RHD: variants seen among roughly 807,000 people sequenced by gnomAD.
The protein encoded by RHD is blood group Rh(D) polypeptide.
A neutral mutation model predicts 45.5 loss-of-function variants in RHD; 16 were observed. That is an observed-to-expected ratio of 0.35 (90% CI 0.24 to 0.53). The LOEUF is 0.53. RHD is among the 20% of genes least tolerant of loss of function. RHD has a pLI of 0.92. For synonymous variants in RHD, 131 were observed against 217.5 expected (o/e 0.60, Z 3.50); for missense variants, 306 against 532.0 (o/e 0.58, Z 4.18).
Position 25,312,950 on chromosome 1 carries a change from A to AAAAAAC in RHD, c.1074-4049_1074-4044dup, listed in dbSNP as rs1644241440. Among the ~76,000 whole-genome samples the AAAAAAC allele has an allele frequency of 2.7e-5, 3 of 111,966 alleles. 1 individual carries two copies. The highest frequency in any genetic ancestry group is 8.7e-5 in the African/African-American group (3 of 34,472). The allele number at this position is 111,966 out of a possible 152,430, so 73.5% of individuals were successfully genotyped here. ...AAAAAAAAAAAAAAAAAAAAAAAAA[A>AAAAAAC]AAAAACTTTAGTGCTATTGGAATGA... On this transcript the variant is annotated intron_variant, in intron 7 of 9. Transcript: ENST00000328664.
chr1:25,285,273 T>G (rs1212073157), intron 2 of RHD, among the ~76,000 whole-genome samples: 1 of 133,794 alleles, frequency 7.5e-6, no homozygotes, highest in Non-Finnish European at 1.8e-5. Context: ...TAGCTGGGAT[T>G]ACAGGCATGT....
chr1:25,313,023 C>T (rs1361475645), intron 7 of RHD, among the ~76,000 whole-genome samples: 2 of 111,706 alleles, frequency 1.8e-5, no homozygotes, highest in Non-Finnish European at 4.0e-5. Flanking sequence ...GGGCAGGATG[C>T]TGTGGTTTGA....
chr1:25,307,853 C>T (rs1164390469), intron 7 of RHD: 2 of 1,291,776 alleles, frequency 1.5e-6, no homozygotes, highest in Admixed American at 2.1e-5. Flanking sequence ...AGGGGATGAG[C>T]TGTGTGAAGC....
rs768029497 is a variant in RHD, at chr1:25,306,760, TA to T, written c.1073+33del. The T allele has an allele frequency of 1.1e-5, 15 of 1,371,200 alleles. 5 individuals carry two copies. The highest frequency in any genetic ancestry group is 3.6e-5 in the Admixed American group (2 of 56,024). 84.9% of individuals were successfully genotyped at this position (1,371,200 alleles called of 1,614,324 possible). ...TCACTGGGCTTACCCCCCATCCCCTTAACACTCCCCTCCAACTCAGGAAGAA... is the reference window on the plus strand; with the variant it reads ...TCACTGGGCTTACCCCCCATCCCCTTACACTCCCCTCCAACTCAGGAAGAA... On this transcript the variant is annotated intron_variant, in intron 7 of 9. Transcript: ENST00000328664.
rs1262204878 is a variant in RHD at position 25,311,347 on chromosome 1, C to T, written c.1073+4618C>T. Among the ~76,000 whole-genome samples, 13 of 130,694 alleles carry T rather than the reference C, an allele frequency of 9.9e-5. 3 individuals carry two copies. Among genetic ancestry groups the T allele is most frequent in the Non-Finnish European group, 1.6e-4 (9 of 55,234 alleles). The allele number at this position is 130,694 out of a possible 152,430, so 85.7% of individuals were successfully genotyped here. On this transcript the variant is annotated intron_variant, in intron 7 of 9. Coordinates refer to ENST00000328664, the MANE Select transcript of RHD (RefSeq NM_016124.6). ...AACACTGAGAGTGTGACACAACTAC[C>T]GACTGATAAGAAAACTAGTACACAT...
chr1:25,306,612 T>C lies in RHD; in HGVS notation c.956T>C (p.Val319Ala). 2 of 1,378,074 alleles carry C rather than the reference T, an allele frequency of 1.5e-6. 1 individual carries two copies. Among genetic ancestry groups the C allele is most frequent in the Non-Finnish European group, 2.0e-6 (2 of 978,652 alleles). 85.4% of individuals were successfully genotyped at this position (1,378,074 alleles called of 1,614,324 possible). ...AKYLPGCCNR[V>A]LGIPHSSIMG... is the part of the protein sequence containing the mutation. Reference sequence around the variant, plus strand: ...TGTCCACAGGGGTGTTGTAACCGAGTGCTGGGGATTCCCCACAGCTCCATC... The same window carrying C: ...TGTCCACAGGGGTGTTGTAACCGAGCGCTGGGGATTCCCCACAGCTCCATC... The change falls in exon 7 of 10, where the codon GTG (valine) becomes GCG (alanine). Residue 319 changes from valine to alanine, a missense_variant. Coordinates refer to ENST00000328664, the MANE Select transcript of RHD (RefSeq NM_016124.6).
chr1:25,292,416 G>A (rs569013675), intron 3 of RHD, among the ~76,000 whole-genome samples: 1 of 132,654 alleles, frequency 7.5e-6, no homozygotes. Flanking sequence ...ATAGCTGTGA[G>A]AGTGATGGGA....
chr1:25,312,486 T>C lies in RHD; in HGVS notation c.1074-4514T>C, dbSNP rs146205917. ...TTGTCTAAGTGTGGTGTTTCATGCCTGTAATCCCAGTGATTTGGGAGGTTG... is the reference window on the plus strand; with the variant it reads ...TTGTCTAAGTGTGGTGTTTCATGCCCGTAATCCCAGTGATTTGGGAGGTTG... On this transcript the variant is annotated intron_variant, in intron 7 of 9. Coordinates refer to ENST00000328664, the MANE Select transcript of RHD (RefSeq NM_016124.6). Among the ~76,000 whole-genome samples, 99 of 129,324 alleles carry C rather than the reference T, an allele frequency of 7.7e-4. 11 individuals carry two copies. The highest frequency in any genetic ancestry group is 2.4e-3 in the African/African-American group (90 of 37,970). The allele number at this position is 129,324 out of a possible 152,430, so 84.8% of individuals were successfully genotyped here.
chr1:25,295,849 A>AGTTT (rs1557534285), intron 3 of RHD, among the ~76,000 whole-genome samples: 3 of 33,730 alleles, frequency 8.9e-5, no homozygotes, highest in East Asian at 9.8e-4. Context: ...GAATATGGGA[A>AGTTT]ATTTTTTTTT....
intron 3 of RHD, chr1:25,294,435 C>T (rs1642768673): frequency 1.4e-6 from 1 of 695,992 alleles, no homozygotes; most frequent in South Asian, 1.5e-5. Context: ...ACTGACAACC[C>T]TCTCGCTAGT....
chr1:25,290,262 T>C lies in RHD; in HGVS notation c.336-379T>C, dbSNP rs1479345413. Reference sequence around the variant, plus strand: ...GAGTGCCCTCTGTTGAGCATCCGAATGATGGCAGCAGAAAAGAAGACTGGG... The same window carrying C: ...GAGTGCCCTCTGTTGAGCATCCGAACGATGGCAGCAGAAAAGAAGACTGGG... On this transcript the variant is annotated intron_variant, in intron 2 of 9. Transcript: ENST00000328664. Among the ~76,000 whole-genome samples, 2 of 125,850 alleles carry C rather than the reference T, an allele frequency of 1.6e-5. 1 individual carries two copies. The highest frequency in any genetic ancestry group is 3.7e-5 in the Non-Finnish European group (2 of 53,490). The allele number at this position is 125,850 out of a possible 152,430, so 82.6% of individuals were successfully genotyped here. A position where few individuals can be genotyped will look rare whatever the true frequency, so the allele number is the denominator to read the frequency against.
In RHD at chr1:25,316,069, T is replaced by C. The variant is rs1260034209; in HGVS notation, c.1074-931T>C. Among the ~76,000 whole-genome samples the C allele has an allele frequency of 3.1e-5, 4 of 131,098 alleles. 1 individual carries two copies. The highest frequency in any genetic ancestry group is 7.2e-5 in the Non-Finnish European group (4 of 55,548). 86.0% of individuals were successfully genotyped at this position (131,098 alleles called of 152,430 possible). Reference sequence around the variant, plus strand: ...AAAACTGGCTTGTTATGTACAACTATCCGTGGGGCTGCAGTGAACGGGCTG... The same window carrying C: ...AAAACTGGCTTGTTATGTACAACTACCCGTGGGGCTGCAGTGAACGGGCTG... On this transcript the variant is annotated intron_variant, in intron 7 of 9. Transcript: ENST00000328664.
In RHD at chr1:25,303,567, G is replaced by A. The variant is rs1377865154; in HGVS notation, c.939+108G>A. 1.6e-5 allele frequency: 18 copies of A among 1,139,094 alleles called. 2 individuals carry two copies. Among genetic ancestry groups the A allele is most frequent in the East Asian group, 6.9e-5 (3 of 43,432 alleles). 70.6% of individuals were successfully genotyped at this position (1,139,094 alleles called of 1,614,324 possible). Reference sequence around the variant, plus strand: ...ACAGCTGCATTAGGCAGGTGTCGGCGCATTCTCTTATTGGCTTCAACGCCT... The same window carrying A: ...ACAGCTGCATTAGGCAGGTGTCGGCACATTCTCTTATTGGCTTCAACGCCT... On this transcript the variant is annotated intron_variant, in intron 6 of 9. Coordinates refer to ENST00000328664, the MANE Select transcript of RHD (RefSeq NM_016124.6).
In RHD at chr1:25,303,327, T is replaced by G. The variant is rs141833592; in HGVS notation, c.807T>G (p.Tyr269Ter). Residue 269 changes from tyrosine (Y) to a stop codon, truncating the protein, a stop_gained, in exon 6 of 10, where the codon TAT becomes TAG. Coordinates refer to ENST00000328664, the MANE Select transcript of RHD (RefSeq NM_016124.6). LOFTEE classifies it high-confidence loss of function. ...CACACGCTATTTCTTTGCAGACTTA[T>G]GTGCACAGTGCGGTGTTGGCAGGAG... Reference protein sequence around the residue: ...AHPQGKISKTYVHSAVLAGGV... With the variant: ...AHPQGKISKT 3,426 of 1,367,304 alleles carry G rather than the reference T, an allele frequency of 2.5e-3. 523 individuals are homozygous for G. The African/African-American group carries it at 0.042, about 17-fold the overall frequency. 84.7% of individuals were successfully genotyped at this position (1,367,304 alleles called of 1,614,324 possible).
At position 25,293,226 on chromosome 1, in the gene RHD, G is replaced by A. The variant is rs548532242; in HGVS notation, c.486+2435G>A. ...AGGAGAAGCAGGAGGGCAATAATCC[G>A]ATAGAGAGGAAAAATCTGATGATAC... On this transcript the variant is annotated intron_variant, in intron 3 of 9. Coordinates refer to ENST00000328664, the MANE Select transcript of RHD (RefSeq NM_016124.6). 4.6e-5 allele frequency among the ~76,000 whole-genome samples: 6 copies of A among 130,244 alleles called. 1 individual carries two copies. Among genetic ancestry groups the A allele is most frequent in the East Asian group, 2.0e-4 (1 of 5,100 alleles). 85.4% of individuals were successfully genotyped at this position (130,244 alleles called of 152,430 possible).
At position 25,308,996 on chromosome 1, in the gene RHD, T is replaced by C. The variant is rs1282439527; in HGVS notation, c.1073+2267T>C. 2.3e-5 allele frequency among the ~76,000 whole-genome samples: 3 copies of C among 131,984 alleles called. 1 individual carries two copies. Among genetic ancestry groups the C allele is most frequent in the Non-Finnish European group, 5.4e-5 (3 of 56,012 alleles). The allele number at this position is 131,984 out of a possible 152,430, so 86.6% of individuals were successfully genotyped here. ...TAGCCCCGTTCTTTATGATGACTGA[T>C]GCTGCATCCGTATGAGGACATCTCT... On this transcript the variant is annotated intron_variant, in intron 7 of 9. Coordinates refer to ENST00000328664, the MANE Select transcript of RHD (RefSeq NM_016124.6).
chr1:25,278,025 G>T (rs1304567877), intron 1 of RHD, among the ~76,000 whole-genome samples: 2 of 130,564 alleles, frequency 1.5e-5, no homozygotes, highest in African/African-American at 5.2e-5. Flanking sequence ...AACTAGAATT[G>T]CTTGTTTTCT....
intron 9 of RHD, 74 bp downstream of exon 9, chr1:25,322,036 G>T: frequency 3.7e-6 from 3 of 814,740 alleles, no homozygotes; most frequent in South Asian, 1.4e-5. Context: ...TATATATGTT[G>T]ACTTGCTGTT....
At chr1:25,318,710 G>C (rs1644543817) in intron 8 of RHD, among the ~76,000 whole-genome samples, 1 of 132,962 alleles carries the variant, frequency 7.5e-6, no homozygotes, top group African/African-American at 2.6e-5. Flanking sequence ...TGCCAAATAA[G>C]AGACAAATGG....
Sources: allele counts gnomAD v4.1 joint callset (sites outside exome capture counted in the v4.1 genomes callset), GRCh38; gene constraint gnomAD v4.1.1; transcripts MANE v1.5; gene names NCBI Gene and HGNC (gene_info 2026-07-23, HGNC 2026-07-21).